OTOGL: variants seen among roughly 807,000 people sequenced by gnomAD.
OTOGL encodes the protein otogelin like, also known as otogelin-like protein.
Under a neutral mutation model 318.5 loss-of-function variants are expected in OTOGL, and 285 were observed. That is an observed-to-expected ratio of 0.89 (90% CI 0.81 to 0.99). The LOEUF (loss-of-function observed/expected upper bound fraction) is 0.99. Ranked by LOEUF, OTOGL falls within the 50% of genes least tolerant of loss-of-function variation. OTOGL has a pLI of 0.00. For synonymous variants in OTOGL, 987 were observed against 936.5 expected, an observed-to-expected ratio of 1.05 and a Z score of -0.99; for missense variants, 2,899 against 2,845.6, an observed-to-expected ratio of 1.02 and a Z score of -0.43.
chr12:80,135,345 T>C (rs891918543), intron 1 of OTOGL, among the ~76,000 whole-genome samples: 1 of 144,170 alleles, frequency 6.9e-6, no homozygotes, highest in African/African-American at 2.6e-5. Flanking sequence ...TGATCTCAGC[T>C]CATTGTAACC....
At chr12:80,314,419 A>T (rs1320148397) in intron 32 of OTOGL, 88 bp downstream of exon 32, 1 of 428,146 alleles carries the variant, frequency 2.3e-6, no homozygotes, top group Non-Finnish European at 3.8e-6. Context: ...TTATGCTGTG[A>T]ACAAACTATA....
At chr12:80,102,554 T>C (rs923997551) in intron 1 of OTOGL, among the ~76,000 whole-genome samples, 6 of 152,184 alleles carry the variant, frequency 3.9e-5, no homozygotes, top group African/African-American at 1.4e-4. Flanking sequence ...ACATCTCCAC[T>C]GTCACCCCTC....
At position 80,329,051 on chromosome 12, in the gene OTOGL, G is replaced by A. The variant is rs763894119; in HGVS notation, c.4280G>A (p.Cys1427Tyr). The change falls in exon 37 of 59, where the codon TGT becomes TAT. Residue 1427 changes from cysteine to tyrosine, a missense_variant and splice_region_variant. Physicochemically the swap from Cys to Tyr is radical, Grantham distance 194 (BLOSUM62 -2). Transcript: ENST00000547103. Reference sequence around the variant, plus strand: ...AAAGAGCACCTTTGTTTCTTTGTAGGTATACCTGTGATTCCCACAGAACCA... The same window carrying A: ...AAAGAGCACCTTTGTTTCTTTGTAGATATACCTGTGATTCCCACAGAACCA... ...VTLKCVYPRD[C>Y]IPVIPTEPTL... 7 of 1,584,948 alleles carry A rather than the reference G, an allele frequency of 4.4e-6. No homozygotes were observed.
intron 21 of OTOGL, 99 bp downstream of exon 21, chr12:80,266,715 T>C: frequency 8.1e-7 from 1 of 1,228,996 alleles, no homozygotes. Context: ...AAAATATTTC[T>C]TATTGTCTTT....
chr12:80,294,257 C>T (rs570255118), intron 26 of OTOGL, among the ~76,000 whole-genome samples: 1 of 151,790 alleles, frequency 6.6e-6, no homozygotes, highest in African/African-American at 2.4e-5. Flanking sequence ...GTGAGCATAG[C>T]ATGAAATTGT....
At chr12:80,197,340 G>T (rs1876147174) in intron 1 of OTOGL, among the ~76,000 whole-genome samples, 1 of 151,852 alleles carries the variant, frequency 6.6e-6, no homozygotes, top group Non-Finnish European at 1.5e-5. Flanking sequence ...CTCATATTTG[G>T]CCCAGCCTCC....
rs774629436 is a variant in OTOGL at position 80,223,130 on chromosome 12, T to C, written c.489+885T>C. On this transcript the variant is annotated intron_variant, in intron 7 of 58. Transcript: ENST00000547103. ...GTTCCCACTTACGAGTGAGAACATA[T>C]GATGTTTGGTTTTCTATTCCCAAGT... Among the ~76,000 whole-genome samples, 6 of 152,014 alleles carry C rather than the reference T, an allele frequency of 3.9e-5. No individual in the cohort carries two copies. In the South Asian group the frequency reaches 6.2e-4, roughly 16 times the overall value.
chr12:80,234,791 C>T (rs1464854448), intron 9 of OTOGL, among the ~76,000 whole-genome samples: 1 of 152,122 alleles, frequency 6.6e-6, no homozygotes, highest in Non-Finnish European at 1.5e-5. Flanking sequence ...GATTAGTTTA[C>T]TAGTAGCTAG....
intron 11 of OTOGL, among the ~76,000 whole-genome samples, chr12:80,250,198 C>T (rs1028158991): frequency 2.6e-5 from 4 of 152,048 alleles, no homozygotes; most frequent in Non-Finnish European, 5.9e-5. Flanking sequence ...AGTCTGAAAA[C>T]CAAGATTCTT....
At chr12:80,189,967 G>A (rs1875557891) in intron 1 of OTOGL, among the ~76,000 whole-genome samples, 1 of 152,198 alleles carries the variant, frequency 6.6e-6, no homozygotes, top group Admixed American at 6.5e-5. Flanking sequence ...TAGCTTGGGT[G>A]ACTGGAAGTG....
intron 1 of OTOGL, among the ~76,000 whole-genome samples, chr12:80,159,198 G>A (rs1456160046): frequency 1.3e-5 from 2 of 152,024 alleles, no homozygotes; most frequent in African/African-American, 4.8e-5. Context: ...GATCATGGTG[G>A]ATTATCTTTT....
chr12:80,223,387 CAT>C (rs762222714), intron 7 of OTOGL, among the ~76,000 whole-genome samples: 8 of 152,056 alleles, frequency 5.3e-5, no homozygotes, highest in Non-Finnish European at 1.2e-4. Context: ...CTGCTATAAA[CAT>C]GTGTATGCAG....
intron 44 of OTOGL, among the ~76,000 whole-genome samples, chr12:80,344,721 ATCTTG>A (rs1889048954): frequency 6.6e-6 from 1 of 152,026 alleles, no homozygotes; most frequent in Non-Finnish European, 1.5e-5. Context: ...ATAACAAGTA[ATCTTG>A]GCTCAAGAGG....
At chr12:80,108,495 C>A (rs375159739) in intron 1 of OTOGL, among the ~76,000 whole-genome samples, 1 of 151,704 alleles carries the variant, frequency 6.6e-6, no homozygotes, top group African/African-American at 2.4e-5. Flanking sequence ...GTGACACTTG[C>A]TAGATATTTT....
At chr12:80,366,328 C>T (rs1160536848) in intron 52 of OTOGL, 3 of 456,836 alleles carry the variant, frequency 6.6e-6, no homozygotes, top group Non-Finnish European at 1.3e-5. Flanking sequence ...AGATCAAGAA[C>T]ATTTCCATGA....
Position 80,233,022 on chromosome 12 carries a change from G to A in OTOGL, c.742G>A (p.Asp248Asn). The A allele has an allele frequency of 1.3e-6, 2 of 1,598,702 alleles. No individual in the cohort carries two copies. The highest frequency in any genetic ancestry group is 1.1e-5 in the South Asian group (1 of 91,052). ...TGGGATCTACCTCAAGCTGTCTGAG[G>A]ACCATAAGGGGAAATCATGTGGCCT... Reference protein sequence around the residue: ...ISGIYLKLSEDHKGKSCGLCG... With the variant: ...ISGIYLKLSENHKGKSCGLCG... Residue 248 changes from aspartate (D) to asparagine (N), a missense_variant, in exon 9 of 59, where the codon GAC (aspartate) becomes AAC (asparagine). Coordinates refer to ENST00000547103, the MANE Select transcript of OTOGL (RefSeq NM_001378609.3).
intron 26 of OTOGL, among the ~76,000 whole-genome samples, chr12:80,291,998 G>GT (rs1327441368): frequency 1.4e-5 from 2 of 147,042 alleles, no homozygotes; most frequent in Middle Eastern, 3.4e-3. Flanking sequence ...TTCTTTTTTT[G>GT]TTTTTTTGAG....
chr12:80,125,676 T>A (rs1302183816), intron 1 of OTOGL, among the ~76,000 whole-genome samples: 1 of 152,184 alleles, frequency 6.6e-6, no homozygotes, highest in Non-Finnish European at 1.5e-5. Context: ...CCTGGACTTT[T>A]TTTGGTTGGT....
chr12:80,232,274 C>T (rs1879436291), intron 8 of OTOGL, among the ~76,000 whole-genome samples: 1 of 152,114 alleles, frequency 6.6e-6, no homozygotes, highest in African/African-American at 2.4e-5. Context: ...CATTATATCC[C>T]TAATATTGTA....
Sources: allele counts gnomAD v4.1 joint callset (sites outside exome capture counted in the v4.1 genomes callset), GRCh38; gene constraint gnomAD v4.1.1; transcripts MANE v1.5; gene names NCBI Gene and HGNC (gene_info 2026-07-23, HGNC 2026-07-21).